The following NCOA5 variants were observed in gnomAD, a reference collection of about 807,000 sequenced individuals.
NCOA5 encodes NCoA-5.
A neutral mutation model predicts 59.0 loss-of-function variants in NCOA5; 12 were observed. The ratio of observed to expected loss-of-function variants is 0.20; its 90% CI spans 0.13 to 0.33. The LOEUF (loss-of-function observed/expected upper bound fraction) is 0.33. Among genes scored for constraint, NCOA5 ranks in the 10% least tolerant of loss-of-function variants. The probability of loss-of-function intolerance (pLI) is 1.00; values close to 1 mark genes in which losing one functional copy is unlikely to be tolerated. For missense variants in NCOA5, 655 were observed against 766.6 expected, an observed-to-expected ratio of 0.85 and a Z score of 1.72; for synonymous variants, 270 against 275.5, an observed-to-expected ratio of 0.98 and a Z score of 0.20.
chr20:46,069,230 CCT>C (rs1464989247), intron 3 of NCOA5, among the ~76,000 whole-genome samples: 1 of 152,130 alleles, frequency 6.6e-6, no homozygotes, highest in Non-Finnish European at 1.5e-5. Context: ...AAATAACTCC[CCT>C]CTCCCCAGCC....
At chr20:46,078,967 C>T (rs1186219158) in intron 2 of NCOA5, among the ~76,000 whole-genome samples, 1 of 152,114 alleles carries the variant, frequency 6.6e-6, no homozygotes, top group South Asian at 2.1e-4. Context: ...CAGCACTTTC[C>T]GTAAACCTGG....
rs776840324 is a variant in NCOA5 at position 46,068,611 on chromosome 20, T to C, written c.393A>G (p.Leu131=). 4 of 1,613,452 alleles carry C rather than the reference T, an allele frequency of 2.5e-6. No homozygotes were observed. The highest frequency in any genetic ancestry group is 1.6e-4 in the Middle Eastern group (1 of 6,082). Residue 131 remains leucine, a synonymous_variant, in exon 4 of 8, where the codon CTA becomes CTG. Coordinates refer to ENST00000290231, the MANE Select transcript of NCOA5 (RefSeq NM_020967.3). ...TTCTCCTGCAATAGTCATCCATTCG[T>C]AGGTATCGGTCATAAGAGCCTTCTC... ...YRREGSYDRY[L]RMDDYCRRKD... is the part of the protein sequence containing the mutation.
Position 46,077,328 on chromosome 20 carries a change from TAA to T in NCOA5, c.38+2057_38+2058del, listed in dbSNP as rs548320488. ...TTGGGGTAAATTAATATTTTTAATTTAATGCTCTGGCAACGGCTATTACTGGG... is the reference window on the plus strand; with the variant it reads ...TTGGGGTAAATTAATATTTTTAATTTTGCTCTGGCAACGGCTATTACTGGG... On this transcript the variant is annotated intron_variant, in intron 2 of 7. Coordinates refer to ENST00000290231, the MANE Select transcript of NCOA5 (RefSeq NM_020967.3). Among the ~76,000 whole-genome samples the T allele has an allele frequency of 2.7e-3, 418 of 152,354 alleles. 1 individual carries two copies. Among genetic ancestry groups the T allele is most frequent in the Non-Finnish European group, 4.3e-3 (290 of 68,014 alleles).
In NCOA5 at chr20:46,062,281, A is replaced by C. The variant is rs757758246; in HGVS notation, c.*19T>G. On this transcript the variant is annotated 3_prime_UTR_variant, in exon 8 of 8. Transcript: ENST00000290231. Reference sequence around the variant, plus strand: ...AGGCCAGGGGATGAGGGGACTGGGGAGAGTTGAAAGATTTAGCTTCAGTAA... The same window carrying C: ...AGGCCAGGGGATGAGGGGACTGGGGCGAGTTGAAAGATTTAGCTTCAGTAA... 6 of 1,591,776 alleles carry C rather than the reference A, an allele frequency of 3.8e-6. No homozygotes were observed. The East Asian group carries it at 1.3e-4, about 36-fold the overall frequency.
chr20:46,074,944 C>T (rs1466528453), intron 2 of NCOA5, among the ~76,000 whole-genome samples: 3 of 152,164 alleles, frequency 2.0e-5, no homozygotes, highest in African/African-American at 7.2e-5. Flanking sequence ...TTCTGTTCAC[C>T]GGAATGTCTT....
At position 46,061,926 on chromosome 20, in the gene NCOA5, GA is replaced by G. The variant is rs926783976; in HGVS notation, c.*373del. 20 of 179,238 alleles carry G rather than the reference GA, an allele frequency of 1.1e-4. No homozygotes were observed. Among genetic ancestry groups the G allele is most frequent in the Admixed American group, 1.0e-3 (19 of 18,600 alleles). The allele number at this position is 179,238 out of a possible 1,614,324, so 11.1% of individuals were successfully genotyped here. A position where few individuals can be genotyped will look rare whatever the true frequency, so the allele number is the denominator to read the frequency against. On this transcript the variant is annotated 3_prime_UTR_variant, in exon 8 of 8. Coordinates refer to ENST00000290231, the MANE Select transcript of NCOA5 (RefSeq NM_020967.3). ...TGGAAAGCCTTGGTAGGTTCACAAT[GA>G]ACAAAGGTGGTGGCTACTGACATGA...
intron 1 of NCOA5, among the ~76,000 whole-genome samples, chr20:46,079,909 T>C (rs2084974252): frequency 6.6e-6 from 1 of 152,246 alleles, no homozygotes; most frequent in South Asian, 2.1e-4. Flanking sequence ...ATAGCTGGAT[T>C]TCATTGTCTT....
chr20:46,065,902 T>C (rs2084817934), intron 5 of NCOA5, among the ~76,000 whole-genome samples: 1 of 152,242 alleles, frequency 6.6e-6, no homozygotes, highest in Non-Finnish European at 1.5e-5. Flanking sequence ...TCATTTTTTA[T>C]GATTACTGTG....
chr20:46,063,833 G>GA (rs780227657), intron 6 of NCOA5, among the ~76,000 whole-genome samples, 153 bp from the exon 7 acceptor site: 5 of 152,168 alleles, frequency 3.3e-5, no homozygotes, highest in Non-Finnish European at 5.9e-5. Flanking sequence ...GGTGTGGGGG[G>GA]AGAGATGAAG....
Position 46,072,370 on chromosome 20 carries a change from C to A in NCOA5, c.39-1834G>T, listed in dbSNP as rs192361909. ...TGAGATCTCACCTATGCTGCCCAGG[C>A]TGGAGTGCAGTGGCTATTCACAGGT... On this transcript the variant is annotated intron_variant, in intron 2 of 7. Coordinates refer to ENST00000290231, the MANE Select transcript of NCOA5 (RefSeq NM_020967.3). Among the ~76,000 whole-genome samples, 140 of 152,290 alleles carry A rather than the reference C, an allele frequency of 9.2e-4. 3 individuals carry two copies. Among genetic ancestry groups the A allele is most frequent in the Admixed American group, 6.5e-3 (100 of 15,302 alleles).
At chr20:46,086,728 T>C (rs1368628623) in intron 1 of NCOA5, among the ~76,000 whole-genome samples, 1 of 152,222 alleles carries the variant, frequency 6.6e-6, no homozygotes, top group Non-Finnish European at 1.5e-5. Flanking sequence ...GTCTTAAAGA[T>C]ATGCAGTAAT....
intron 5 of NCOA5, among the ~76,000 whole-genome samples, chr20:46,066,427 G>A (rs1038333393): frequency 2.6e-5 from 4 of 152,138 alleles, no homozygotes; most frequent in Non-Finnish European, 5.9e-5. Context: ...TCCCATGAAG[G>A]GAGTATATAC....
chr20:46,075,365 G>T (rs1438195734), intron 2 of NCOA5, among the ~76,000 whole-genome samples: 1 of 152,172 alleles, frequency 6.6e-6, no homozygotes, highest in Admixed American at 6.5e-5. Flanking sequence ...CCCACCTAGA[G>T]CAAGGGCTGT....
chr20:46,068,055 C>T (rs755487185), intron 4 of NCOA5, among the ~76,000 whole-genome samples: 4 of 152,088 alleles, frequency 2.6e-5, no homozygotes, highest in Admixed American at 6.5e-5. Flanking sequence ...CTCAGCCCCC[C>T]GAGTAGCTGG....
chr20:46,087,630 A>AC (rs1169397988), intron 1 of NCOA5, among the ~76,000 whole-genome samples: 5 of 152,168 alleles, frequency 3.3e-5, no homozygotes, highest in African/African-American at 1.2e-4. Context: ...GTGGTGGCGC[A>AC]CGCCTGTAAT....
chr20:46,085,717 G>A (rs2085038513), intron 1 of NCOA5, among the ~76,000 whole-genome samples: 1 of 152,156 alleles, frequency 6.6e-6, no homozygotes, highest in Non-Finnish European at 1.5e-5. Flanking sequence ...GGAATAACAT[G>A]AAGCAAGAGT....
intron 2 of NCOA5, among the ~76,000 whole-genome samples, chr20:46,078,614 C>A (rs2084962608): frequency 6.9e-6 from 1 of 144,980 alleles, no homozygotes; most frequent in East Asian, 1.9e-4. Context: ...TCTGTCTGCC[C>A]TCTACACAAA....
chr20:46,087,013 A>G (rs938571085), intron 1 of NCOA5, among the ~76,000 whole-genome samples: 1 of 152,220 alleles, frequency 6.6e-6, no homozygotes, highest in African/African-American at 2.4e-5. Flanking sequence ...ATGTTCTACT[A>G]ATTATGTGAT....
chr20:46,088,682 A>G (rs994233601), intron 1 of NCOA5, among the ~76,000 whole-genome samples: 1 of 152,232 alleles, frequency 6.6e-6, no homozygotes, highest in African/African-American at 2.4e-5. Flanking sequence ...AACACTTTTA[A>G]GTCAACAAAG....
Sources: gnomAD v4.1 joint callset for allele counts (sites outside exome capture counted in the v4.1 genomes callset) on GRCh38, gnomAD v4.1.1 for gene constraint, MANE v1.5 for transcripts, NCBI Gene and HGNC (gene_info 2026-07-23, HGNC 2026-07-21) for gene names.